SEPTIN9: variants seen among roughly 807,000 people sequenced by gnomAD.
SEPTIN9 encodes the protein septin 9, also known as septin-9.
Under a neutral mutation model 56.6 loss-of-function variants are expected in SEPTIN9, and 13 were observed. That is an observed-to-expected ratio of 0.23 (90% CI 0.15 to 0.37). The LOEUF (loss-of-function observed/expected upper bound fraction) is 0.37, where lower values mean the gene tolerates loss of function less well. Among genes scored for constraint, SEPTIN9 ranks in the 10% least tolerant of loss-of-function variants. SEPTIN9 has a pLI of 1.00. For synonymous variants in SEPTIN9, 332 were observed against 334.1 expected, an observed-to-expected ratio of 0.99 and a Z score of 0.07; for missense variants, 650 against 823.1, an observed-to-expected ratio of 0.79 and a Z score of 2.57.
chr17:77,340,242 G>A (rs1280374652), intron 2 of SEPTIN9, among the ~76,000 whole-genome samples: 1 of 152,040 alleles, frequency 6.6e-6, no homozygotes, highest in Non-Finnish European at 1.5e-5. Flanking sequence ...CTGGGCTCAA[G>A]CGGTTCTCCT....
chr17:77,459,563 G>A (rs994644966), intron 3 of SEPTIN9, among the ~76,000 whole-genome samples: 2 of 152,176 alleles, frequency 1.3e-5, no homozygotes, highest in Non-Finnish European at 2.9e-5. Flanking sequence ...AGCCGAGGCT[G>A]GGGGGTTATT....
At position 77,327,877 on chromosome 17, in the gene SEPTIN9, G is replaced by A. The variant is rs1202118000; in HGVS notation, c.76+20680G>A. ...TTTGGACCGATTTGCTGGAACAGACGGGTGTGATGGGGCTGCGGGGTTTCA... is the reference window on the plus strand; with the variant it reads ...TTTGGACCGATTTGCTGGAACAGACAGGTGTGATGGGGCTGCGGGGTTTCA... On this transcript the variant is annotated intron_variant, in intron 2 of 11. Transcript: ENST00000427177. This position sits in a 1 kb window ranked among gnomAD's most constrained non-coding sequence, Gnocchi z 5.0. Among the ~76,000 whole-genome samples the A allele has an allele frequency of 2.0e-5, 3 of 152,330 alleles. No homozygotes were observed. Among genetic ancestry groups the A allele is most frequent in the Admixed American group, 1.3e-4 (2 of 15,302 alleles).
Position 77,475,757 on chromosome 17 carries a change from C to T in SEPTIN9, c.722-6387C>T. 6.2e-7 allele frequency: 1 copy of T among 1,613,180 alleles called. No homozygotes were observed. The highest frequency in any genetic ancestry group is 8.5e-7 in the Non-Finnish European group (1 of 1,179,884). On this transcript the variant is annotated intron_variant, in intron 3 of 11. Transcript: ENST00000427177. The surrounding 1 kb of genome is among the most constrained non-coding windows in gnomAD (Gnocchi z 4.6). ...AGCTGTAGATGCCGGCAGCTTTCTC[C>T]TGGACACGGGCCTGGAAGGCTGACA...
intron 3 of SEPTIN9, among the ~76,000 whole-genome samples, chr17:77,419,264 G>A (rs891495706): frequency 6.6e-6 from 1 of 152,148 alleles, no homozygotes; most frequent in African/African-American, 2.4e-5. Flanking sequence ...TTGGGGTGTC[G>A]GCTGCCTCCT....
In SEPTIN9 at chr17:77,327,044, A is replaced by G. The variant is rs1402812567; in HGVS notation, c.76+19847A>G. Among the ~76,000 whole-genome samples, 2 of 152,036 alleles carry G rather than the reference A, an allele frequency of 1.3e-5. No homozygotes were observed. Among genetic ancestry groups the G allele is most frequent in the Non-Finnish European group, 2.9e-5 (2 of 68,008 alleles). The stretch of plus-strand genomic sequence containing the variant: ...GTAATATCCTTTATAATAAACTAGT[A>G]AATTCCATGAGCCCCAGGAACATGT... On this transcript the variant is annotated intron_variant, in intron 2 of 11. Coordinates refer to ENST00000427177, the MANE Select transcript of SEPTIN9 (RefSeq NM_001113491.2). This position sits in a 1 kb window ranked among gnomAD's most constrained non-coding sequence, Gnocchi z 5.0.
At position 77,369,565 on chromosome 17, in the gene SEPTIN9, G is replaced by C. The variant is rs1470808262; in HGVS notation, c.77-32494G>C. ...GTGGGAACTTGAGGGGCTGTGGAAG[G>C]CTCTGCCACTGACGGACCCAGGGCT... On this transcript the variant is annotated intron_variant, in intron 2 of 11. Transcript: ENST00000427177. This position sits in a 1 kb window ranked among gnomAD's most constrained non-coding sequence, Gnocchi z 4.9. 6.6e-6 allele frequency among the ~76,000 whole-genome samples: 1 copy of C among 152,162 alleles called. No individual in the cohort carries two copies. The highest frequency in any genetic ancestry group is 2.4e-5 in the African/African-American group (1 of 41,434).
chr17:77,302,986 TCTGG>T (rs1186887535), intron 1 of SEPTIN9, among the ~76,000 whole-genome samples: 1 of 152,148 alleles, frequency 6.6e-6, no homozygotes, highest in East Asian at 1.9e-4. Flanking sequence ...GCATCTGCTC[TCTGG>T]CTTGTGAGCA....
intron 3 of SEPTIN9, among the ~76,000 whole-genome samples, chr17:77,470,051 T>TCATCCACC (rs1263986304): frequency 0.011 from 1,520 of 138,438 alleles, 30 homozygotes; most frequent in African/African-American, 0.038. Context: ...ACTCATTCAC[T>TCATCCACC]CATCCACCCA....
chr17:77,367,068 A>G lies in SEPTIN9; in HGVS notation c.77-34991A>G, dbSNP rs2034593091. 6.6e-6 allele frequency among the ~76,000 whole-genome samples: 1 copy of G among 152,226 alleles called. No homozygotes were observed. The highest frequency in any genetic ancestry group is 2.1e-4 in the South Asian group (1 of 4,832). On this transcript the variant is annotated intron_variant, in intron 2 of 11. Coordinates refer to ENST00000427177, the MANE Select transcript of SEPTIN9 (RefSeq NM_001113491.2). This position sits in a 1 kb window ranked among gnomAD's most constrained non-coding sequence, Gnocchi z 4.5. ...TCTTTGAGTGAAACCTTATGGTTGC[A>G]TTGAAGCGGCCAGGCAGAGGGTGTG...
chr17:77,454,667 A>C (rs1985673933), intron 3 of SEPTIN9, among the ~76,000 whole-genome samples: 1 of 152,184 alleles, frequency 6.6e-6, no homozygotes, highest in Non-Finnish European at 1.5e-5. Flanking sequence ...AGCCCCTCCC[A>C]GAGTTGGCTG....
chr17:77,439,857 C>A (rs546541420), intron 3 of SEPTIN9, among the ~76,000 whole-genome samples: 2 of 152,230 alleles, frequency 1.3e-5, no homozygotes, highest in Admixed American at 1.3e-4. Context: ...TTTGGGGACT[C>A]ATTAAGAAGG....
rs1458292020 is a variant in SEPTIN9 at position 77,425,582 on chromosome 17, C to T, written c.721+22879C>T. On this transcript the variant is annotated intron_variant, in intron 3 of 11. Coordinates refer to ENST00000427177, the MANE Select transcript of SEPTIN9 (RefSeq NM_001113491.2). The surrounding 1 kb of genome is among the most constrained non-coding windows in gnomAD (Gnocchi z 4.2). ...CCCCCAAGGCCGCCTGACTTCCAGC[C>T]TCCAAGTGGGGTTGCATTCACCACT... 6.6e-6 allele frequency among the ~76,000 whole-genome samples: 1 copy of T among 152,200 alleles called. No homozygotes were observed. Among genetic ancestry groups the T allele is most frequent in the African/African-American group, 2.4e-5 (1 of 41,446 alleles).
At chr17:77,295,041 TCTC>T (rs1684098600) in intron 1 of SEPTIN9, 1 of 152,108 alleles carries the variant, frequency 6.6e-6, no homozygotes, top group African/African-American at 2.4e-5. Context: ...CAGTTCAACT[TCTC>T]CTTAGCAGGA....
At chr17:77,491,844 T>TTCCAGATGGAACC in intron 8 of SEPTIN9, among the ~76,000 whole-genome samples, 1 of 143,972 alleles carries the variant, frequency 6.9e-6, no homozygotes, top group Non-Finnish European at 1.5e-5. Context: ...GGAGGGATGG[T>TTCCAGATGGAACC]CTCTGCCACC....
At chr17:77,304,592 G>A (rs1031860135) in intron 1 of SEPTIN9, among the ~76,000 whole-genome samples, 2 of 152,156 alleles carry the variant, frequency 1.3e-5, no homozygotes, top group East Asian at 1.9e-4. Flanking sequence ...AGCCTTTGTC[G>A]CCGGCATCCC....
At chr17:77,438,767 T>G (rs2037443355) in intron 3 of SEPTIN9, among the ~76,000 whole-genome samples, 1 of 152,188 alleles carries the variant, frequency 6.6e-6, no homozygotes, top group Admixed American at 6.5e-5. Context: ...AAGTGTGTGG[T>G]CATTTGCTAC....
intron 3 of SEPTIN9, among the ~76,000 whole-genome samples, chr17:77,403,124 T>C (rs72896159): frequency 0.031 from 4,702 of 152,072 alleles, 168 homozygotes; most frequent in Admixed American, 0.11. Context: ...GGCTGTCACA[T>C]TCTGGTGGCT....
chr17:77,442,879 AC>A (rs1406245882), intron 3 of SEPTIN9, among the ~76,000 whole-genome samples: 9 of 152,036 alleles, frequency 5.9e-5, no homozygotes, highest in Non-Finnish European at 1.2e-4. Context: ...TCTTAAAAAA[AC>A]AAATAAAAAA....
At position 77,498,735 on chromosome 17, in the gene SEPTIN9, T is replaced by A. The variant is rs1397917054; in HGVS notation, c.*77T>A. On this transcript the variant is annotated 3_prime_UTR_variant, in exon 12 of 12. Coordinates refer to ENST00000427177, the MANE Select transcript of SEPTIN9 (RefSeq NM_001113491.2). ...CCCCAGGCCCTCCCACCACCCCATT[T>A]TATTTTATATGATTTTCTCCATTTG... 1.3e-6 allele frequency: 1 copy of A among 764,596 alleles called. No individual in the cohort carries two copies. Among genetic ancestry groups the A allele is most frequent in the Non-Finnish European group, 2.1e-6 (1 of 482,012 alleles). The allele number at this position is 764,596 out of a possible 1,614,324, so 47.4% of individuals were successfully genotyped here.
Sources: gnomAD v4.1 joint callset for allele counts (sites outside exome capture counted in the v4.1 genomes callset) on GRCh38, gnomAD v4.1.1 for gene constraint, Gnocchi (gnomAD v3.1) non-coding constraint, MANE v1.5 for transcripts, NCBI Gene and HGNC (gene_info 2026-07-23, HGNC 2026-07-21) for gene names.